The following ANK2 variants were observed in gnomAD, a reference collection of about 807,000 sequenced individuals.
ANK2 encodes the protein ankyrin 2.
Under a neutral mutation model 360.5 loss-of-function variants are expected in ANK2, and 83 were observed. That is an observed-to-expected ratio of 0.23 (90% confidence interval 0.19 to 0.28). ANK2 has a LOEUF of 0.28. ANK2 is among the 10% of genes least tolerant of loss of function. The probability of loss-of-function intolerance (pLI) is 1.00; values close to 1 mark genes in which losing one functional copy is unlikely to be tolerated. For missense variants in ANK2, 4,201 were observed against 4,795.7 expected, an observed-to-expected ratio of 0.88 and a Z score of 3.66; for synonymous variants, 1,740 against 1,759.5, an observed-to-expected ratio of 0.99 and a Z score of 0.28.
intron 2 of ANK2, among the ~76,000 whole-genome samples, chr4:113,011,361 G>A (rs1372229601): frequency 6.6e-6 from 1 of 151,996 alleles, no homozygotes; most frequent in African/African-American, 2.4e-5. Flanking sequence ...TTGGGCCTGA[G>A]AATTAAACTG....
intron 1 of ANK2, among the ~76,000 whole-genome samples, chr4:113,075,130 A>G (rs764987212): frequency 6.6e-6 from 1 of 152,222 alleles, no homozygotes; most frequent in Non-Finnish European, 1.5e-5. Flanking sequence ...TGTACACACT[A>G]AAGTCTGAGA....
chr4:113,354,440 C>T lies in ANK2; in HGVS notation c.5822C>T (p.Pro1941Leu). 2 of 1,614,064 alleles carry T rather than the reference C, an allele frequency of 1.2e-6. No individual in the cohort carries two copies. Among genetic ancestry groups the T allele is most frequent in the Non-Finnish European group, 1.7e-6 (2 of 1,179,990 alleles). The stretch of plus-strand genomic sequence containing the variant: ...ACAGAAAAACGCTTGCCTGTTTCAC[C>T]CTCCGGAAGAACGGACAAGCACCAA... ...GRTEKRLPVS[P>L]SGRTDKHQPV... is the part of the protein sequence containing the mutation. Residue 1941 changes from proline to leucine, a missense_variant, in exon 38 of 46, where the codon CCC (proline) becomes CTC (leucine). Transcript: ENST00000357077.
the ANK2 span, among the ~76,000 whole-genome samples, chr4:112,754,578 T>C: frequency 2.0e-5 from 3 of 151,874 alleles, no homozygotes; most frequent in Non-Finnish European, 4.4e-5. Flanking sequence ...AGTCTTCATA[T>C]TAAAGTACAG....
At chr4:113,331,865 A>G (rs2092530511) in intron 27 of ANK2, 107 bp from the exon 28 acceptor site, 3 of 1,057,630 alleles carry the variant, frequency 2.8e-6, no homozygotes, top group African/African-American at 1.6e-5. Context: ...GCAGTGTGAA[A>G]CCAAAGTTCA....
At chr4:113,144,000 T>C (rs899199552) in intron 1 of ANK2, among the ~76,000 whole-genome samples, 7 of 152,230 alleles carry the variant, frequency 4.6e-5, no homozygotes, top group African/African-American at 1.7e-4. Context: ...TCTTTCTGAA[T>C]GCTTTCACTT....
At chr4:112,979,102 G>C (rs2042301316) in intron 2 of ANK2, among the ~76,000 whole-genome samples, 1 of 152,228 alleles carries the variant, frequency 6.6e-6, no homozygotes, top group African/African-American at 2.4e-5. Context: ...GGCCTGCTGG[G>C]CTCGTTCTGC....
chr4:112,928,884 G>A (rs2092882720), intron 2 of ANK2, among the ~76,000 whole-genome samples: 1 of 142,396 alleles, frequency 7.0e-6, no homozygotes, highest in South Asian at 2.2e-4. Context: ...ACAGAGTCTC[G>A]CTGTGTGGCC....
intron 1 of ANK2, among the ~76,000 whole-genome samples, chr4:113,127,482 C>T (rs912519842): frequency 2.0e-5 from 3 of 149,068 alleles, no homozygotes; most frequent in African/African-American, 7.4e-5. Context: ...TTTTTTAATA[C>T]ATAGTAGATG....
the ANK2 span, among the ~76,000 whole-genome samples, chr4:112,799,739 A>G: frequency 1.3e-5 from 2 of 150,980 alleles, no homozygotes; most frequent in Non-Finnish European, 2.9e-5. Context: ...CTGGTCTTGT[A>G]ACTCTTGCCT....
At chr4:113,189,166 CT>C (rs980862148) in intron 2 of ANK2, among the ~76,000 whole-genome samples, 1 of 152,156 alleles carries the variant, frequency 6.6e-6, no homozygotes, top group Admixed American at 6.5e-5. Context: ...ACTAAGCCAG[CT>C]TGTGTGTCTC....
the ANK2 span, among the ~76,000 whole-genome samples, chr4:112,715,449 T>C: frequency 6.6e-6 from 1 of 152,152 alleles, no homozygotes; most frequent in Non-Finnish European, 1.5e-5. Flanking sequence ...AAATATGATC[T>C]ACCACAGAGT....
chr4:113,087,790 AGGG>A (rs2085588014), intron 1 of ANK2, among the ~76,000 whole-genome samples: 1 of 152,156 alleles, frequency 6.6e-6, no homozygotes, highest in African/African-American at 2.4e-5. Flanking sequence ...TAACTTTTTA[AGGG>A]ACTATTTCTT....
rs188544458 is a variant in ANK2, at chr4:113,215,593, T to C, written c.384+16484T>C. ...CTTTTGTGATTAGCAGCATATTAAC[T>C]TTACCTTGGTATAACATAGTTTTGG... On this transcript the variant is annotated intron_variant, in intron 4 of 45. Coordinates refer to ENST00000357077, the MANE Select transcript of ANK2 (RefSeq NM_001148.6). Among the ~76,000 whole-genome samples, 9 of 152,234 alleles carry C rather than the reference T, an allele frequency of 5.9e-5. No homozygotes were observed. The East Asian group carries it at 1.7e-3, about 29-fold the overall frequency.
the ANK2 span, among the ~76,000 whole-genome samples, chr4:112,710,469 G>A: frequency 6.6e-6 from 1 of 152,120 alleles, no homozygotes; most frequent in African/African-American, 2.4e-5. Flanking sequence ...ACTGAAGCGA[G>A]CGGATTGCCC....
chr4:113,266,637 G>A (rs1186727976), intron 14 of ANK2, among the ~76,000 whole-genome samples: 6 of 152,180 alleles, frequency 3.9e-5, no homozygotes, highest in Non-Finnish European at 8.8e-5. Context: ...CAGCACTTTG[G>A]AAGGCTGAGG....
chr4:113,002,852 C>T (rs912524494), intron 2 of ANK2, among the ~76,000 whole-genome samples: 8 of 152,198 alleles, frequency 5.3e-5, no homozygotes, highest in Non-Finnish European at 8.8e-5. Context: ...CATATTTCCT[C>T]TGGGAAACTA....
the ANK2 span, among the ~76,000 whole-genome samples, chr4:112,791,489 T>C: frequency 2.9e-5 from 4 of 140,336 alleles, no homozygotes; most frequent in African/African-American, 1.0e-4. Context: ...CTTTTTTTTT[T>C]TTTTTTTTTT....
chr4:112,863,293 A>G (rs1417729751), intron 1 of ANK2, among the ~76,000 whole-genome samples: 1 of 152,120 alleles, frequency 6.6e-6, no homozygotes, highest in African/African-American at 2.4e-5. Flanking sequence ...GTGGCTATGT[A>G]TGGGTAGTAG....
the ANK2 span, among the ~76,000 whole-genome samples, chr4:112,747,939 T>G: frequency 6.6e-6 from 1 of 152,214 alleles, no homozygotes; most frequent in Non-Finnish European, 1.5e-5. Context: ...TTCCTTGAAA[T>G]GTCATCAGAT....
Sources: gnomAD v4.1 joint callset for allele counts (sites outside exome capture counted in the v4.1 genomes callset) on GRCh38, gnomAD v4.1.1 for gene constraint, MANE v1.5 for transcripts, NCBI Gene and HGNC (gene_info 2026-07-23, HGNC 2026-07-21) for gene names.